The following SLC71A2 variants were observed in gnomAD, a reference collection of about 807,000 sequenced individuals.
SLC71A2 encodes hippocampus abundant transcript-like 1.
chr9:94,386,054 A>G, the SLC71A2 span, among the ~76,000 whole-genome samples: 1 of 152,044 alleles, frequency 6.6e-6, no homozygotes, highest in South Asian at 2.1e-4. Flanking sequence ...AATCACATTG[A>G]ATAGTATTGA....
chr9:94,449,705 A>G, the SLC71A2 span, among the ~76,000 whole-genome samples: 2 of 152,264 alleles, frequency 1.3e-5, no homozygotes, highest in African/African-American at 4.8e-5. Flanking sequence ...CATATGACTC[A>G]GCAAATATAC....
chr9:94,456,579 A>G, the SLC71A2 span, among the ~76,000 whole-genome samples: 1 of 151,774 alleles, frequency 6.6e-6, no homozygotes, highest in African/African-American at 2.4e-5. Context: ...AAATAGAACT[A>G]TTCATTTTCC....
chr9:94,435,445 T>C, the SLC71A2 span, among the ~76,000 whole-genome samples: 1 of 152,162 alleles, frequency 6.6e-6, no homozygotes, highest in South Asian at 2.1e-4. Flanking sequence ...ATGCCTTTTT[T>C]CCCCAGTGTT....
the SLC71A2 span, among the ~76,000 whole-genome samples, chr9:94,409,407 C>T: frequency 1.3e-5 from 2 of 150,524 alleles, no homozygotes; most frequent in Non-Finnish European, 2.9e-5. Flanking sequence ...TTCTGCCCAC[C>T]TTGACCCCCC....
the SLC71A2 span, among the ~76,000 whole-genome samples, chr9:94,413,493 A>G: frequency 1.3e-5 from 2 of 151,910 alleles, no homozygotes; most frequent in Non-Finnish European, 1.5e-5. Flanking sequence ...TCAGTATTCG[A>G]TTGGTTAAAA....
At chr9:94,409,720 T>C in the SLC71A2 span, among the ~76,000 whole-genome samples, 1 of 152,084 alleles carries the variant, frequency 6.6e-6, no homozygotes, top group Non-Finnish European at 1.5e-5. Context: ...CTTTTATCTG[T>C]TATTTAGGAG....
the SLC71A2 span, among the ~76,000 whole-genome samples, chr9:94,382,170 G>A: frequency 1.3e-5 from 2 of 151,762 alleles, no homozygotes; most frequent in East Asian, 3.9e-4. Context: ...GGGACTACAG[G>A]CATATGCCAC....
chr9:94,436,234 G>C, the SLC71A2 span, among the ~76,000 whole-genome samples: 1 of 152,204 alleles, frequency 6.6e-6, no homozygotes, highest in Non-Finnish European at 1.5e-5. Context: ...AGGGTTGGCT[G>C]TGTAGAGATT....
the SLC71A2 span, among the ~76,000 whole-genome samples, chr9:94,453,370 G>A: frequency 1.3e-5 from 2 of 151,966 alleles, no homozygotes; most frequent in Non-Finnish European, 2.9e-5. Flanking sequence ...GGCTGGTCTC[G>A]AACTCCTGAC....
the SLC71A2 span, among the ~76,000 whole-genome samples, chr9:94,409,263 C>T: frequency 6.9e-6 from 1 of 145,772 alleles, no homozygotes; most frequent in Non-Finnish European, 1.5e-5. Context: ...CTGCAGCCTC[C>T]CAAATAGCTG....
the SLC71A2 span, among the ~76,000 whole-genome samples, chr9:94,453,655 C>T: frequency 2.0e-5 from 3 of 152,236 alleles, no homozygotes; most frequent in Admixed American, 1.3e-4. Context: ...CTGAGGCTGT[C>T]CCTCTCAGTC....
chr9:94,451,215 G>A, the SLC71A2 span, among the ~76,000 whole-genome samples: 2 of 152,128 alleles, frequency 1.3e-5, no homozygotes, highest in African/African-American at 4.8e-5. Flanking sequence ...AAAACAACAG[G>A]TAGACATATA....
the SLC71A2 span, chr9:94,456,241 A>T: frequency 1.9e-6 from 3 of 1,613,288 alleles, no homozygotes; most frequent in Non-Finnish European, 2.5e-6. Context: ...TCATTGCAGG[A>T]TGATGTGGGC....
the SLC71A2 span, among the ~76,000 whole-genome samples, chr9:94,402,413 T>C: frequency 1.3e-5 from 2 of 152,166 alleles, no homozygotes; most frequent in Non-Finnish European, 2.9e-5. Flanking sequence ...TTTTTTAATA[T>C]ATATTCACGG....
the SLC71A2 span, among the ~76,000 whole-genome samples, chr9:94,396,430 T>A: frequency 6.6e-6 from 1 of 152,218 alleles, no homozygotes. Context: ...CATGAAAATG[T>A]CTTGAACCCA....
At chr9:94,452,851 CTTAAA>C in the SLC71A2 span, among the ~76,000 whole-genome samples, 1 of 151,352 alleles carries the variant, frequency 6.6e-6, no homozygotes, top group African/African-American at 2.4e-5. Context: ...GCATATTGTC[CTTAAA>C]TTAATTCACT....
chr9:94,422,866 G>T, the SLC71A2 span, among the ~76,000 whole-genome samples: 1 of 150,918 alleles, frequency 6.6e-6, no homozygotes, highest in South Asian at 2.1e-4. Context: ...TCATGTGTAC[G>T]TTTGTCTCTA....
the SLC71A2 span, among the ~76,000 whole-genome samples, chr9:94,412,008 T>G: frequency 6.6e-6 from 1 of 152,364 alleles, no homozygotes; most frequent in South Asian, 2.1e-4. Flanking sequence ...TAGATGTTGC[T>G]GAATTTTCTT....
At chr9:94,427,119 T>C in the SLC71A2 span, among the ~76,000 whole-genome samples, 7 of 152,266 alleles carry the variant, frequency 4.6e-5, no homozygotes, top group Non-Finnish European at 8.8e-5. Context: ...TTGTTGCCTT[T>C]TGTAGCTAAA....
Sources: allele counts gnomAD v4.1 joint callset (sites outside exome capture counted in the v4.1 genomes callset), GRCh38; gene constraint gnomAD v4.1.1; transcripts MANE v1.5; gene names NCBI Gene and HGNC (gene_info 2026-07-23, HGNC 2026-07-21).